GPC3: variants seen among roughly 807,000 people sequenced by gnomAD.
GPC3 encodes the protein glypican 3.
In GPC3, 3 loss-of-function variants were observed where a neutral mutation model predicts 34.4. That is an observed-to-expected ratio of 0.09 (90% CI 0.04 to 0.23). The LOEUF (loss-of-function observed/expected upper bound fraction) is 0.23, where lower values mean the gene tolerates loss of function less well. Ranked by LOEUF, GPC3 falls within the 10% of genes least tolerant of loss-of-function variation. The probability of loss-of-function intolerance (pLI) is 1.00; values close to 1 mark genes in which losing one functional copy is unlikely to be tolerated. For missense variants in GPC3, 351 were observed against 445.6 expected (o/e 0.79, Z 1.91); for synonymous variants, 177 against 174.0 (o/e 1.02, Z -0.13).
chrX:133,942,719 T>C (rs954765370), intron 2 of GPC3, among the ~76,000 whole-genome samples: 2 of 111,655 alleles, frequency 1.8e-5, no homozygotes, highest in African/African-American at 3.2e-5. Flanking sequence ...CAAAAACTTG[T>C]TTTAAAAAAA....
intron 2 of GPC3, among the ~76,000 whole-genome samples, chrX:133,899,747 TTG>T (rs1319604820): frequency 1.8e-5 from 2 of 111,473 alleles, no homozygotes; most frequent in African/African-American, 6.5e-5. Flanking sequence ...CTCTAGGTGG[TTG>T]TAAGTGATTT....
chrX:133,906,006 C>G lies in GPC3; in HGVS notation c.337+47044G>C, dbSNP rs974828930. Among the ~76,000 whole-genome samples, 4 of 111,604 alleles carry G rather than the reference C, an allele frequency of 3.6e-5. No homozygotes were observed. In the Admixed American group the frequency reaches 3.8e-4, roughly 11 times the overall value. On this transcript the variant is annotated intron_variant, in intron 2 of 7. Transcript: ENST00000370818. ...AAGCAGAACTGCAACTCACAAAGAC[C>G]AGGGACATGCAACGTGAACATGTAT...
At chrX:133,819,114 G>C (rs1174648575) in intron 2 of GPC3, among the ~76,000 whole-genome samples, 1 of 101,594 alleles carries the variant, frequency 9.8e-6, no homozygotes, top group Admixed American at 1.1e-4. Context: ...TTTAGCATTA[G>C]GTATATATCC....
intron 2 of GPC3, among the ~76,000 whole-genome samples, chrX:133,895,771 C>T (rs755086679): frequency 2.7e-5 from 3 of 110,967 alleles, no homozygotes; most frequent in African/African-American, 9.9e-5. Context: ...ACACACACAT[C>T]TCAAAAGCAT....
At chrX:133,669,074 C>T (rs2070800232) in intron 5 of GPC3, among the ~76,000 whole-genome samples, 1 of 111,443 alleles carries the variant, frequency 9.0e-6, no homozygotes, top group African/African-American at 3.3e-5. Flanking sequence ...GGTTTCTTCT[C>T]TTACACAGAG....
intron 2 of GPC3, among the ~76,000 whole-genome samples, chrX:133,884,099 T>C (rs894359441): frequency 3.6e-5 from 4 of 111,593 alleles, no homozygotes; most frequent in Admixed American, 1.9e-4. Flanking sequence ...CCAGAGCTCA[T>C]TGAGATCCCA....
intron 3 of GPC3, among the ~76,000 whole-genome samples, chrX:133,721,675 G>T (rs1231049050): frequency 9.0e-6 from 1 of 111,098 alleles, no homozygotes; most frequent in Non-Finnish European, 1.9e-5. Flanking sequence ...CCTAAGAAAA[G>T]AAAACTACAG....
At chrX:133,839,597 C>T (rs1270606157) in intron 2 of GPC3, among the ~76,000 whole-genome samples, 1 of 110,796 alleles carries the variant, frequency 9.0e-6, no homozygotes, top group East Asian at 2.8e-4. Flanking sequence ...GGTATTGGTC[C>T]TTTGTTCTCC....
At chrX:133,806,806 G>T (rs112979564) in intron 2 of GPC3, among the ~76,000 whole-genome samples, 7 of 108,947 alleles carry the variant, frequency 6.4e-5, no homozygotes, top group Non-Finnish European at 1.3e-4. Context: ...CCACCACCAC[G>T]CCCGGCTAAT....
At chrX:133,624,596 C>T (rs2070276524) in intron 6 of GPC3, among the ~76,000 whole-genome samples, 1 of 111,392 alleles carries the variant, frequency 9.0e-6, no homozygotes, top group Admixed American at 9.5e-5. Flanking sequence ...TACACCCTCC[C>T]AAGACTAAAC....
At chrX:133,676,434 T>A (rs755131841) in intron 5 of GPC3, among the ~76,000 whole-genome samples, 1 of 112,400 alleles carries the variant, frequency 8.9e-6, no homozygotes, top group South Asian at 3.7e-4. Flanking sequence ...AGGACAGCTC[T>A]GCACTCGACA....
intron 5 of GPC3, among the ~76,000 whole-genome samples, chrX:133,672,360 C>T (rs915456710): frequency 3.6e-5 from 4 of 112,005 alleles, no homozygotes; most frequent in South Asian, 3.8e-4. Flanking sequence ...CTAAACATGG[C>T]GGTCAGGACA....
chrX:133,709,778 C>T (rs1400751748), intron 3 of GPC3, among the ~76,000 whole-genome samples: 1 of 112,163 alleles, frequency 8.9e-6, no homozygotes, highest in Non-Finnish European at 1.9e-5. Context: ...TTTGGCTAAG[C>T]AAACCATTCT....
rs149612704 is a variant in GPC3, at chrX:133,799,594, C to T, written c.338-45418G>A. 1.9e-3 allele frequency among the ~76,000 whole-genome samples: 207 copies of T among 111,430 alleles called. 2 individuals carry two copies. The South Asian group carries it at 0.019, about 10-fold the overall frequency. On this transcript the variant is annotated intron_variant, in intron 2 of 7. Transcript: ENST00000370818. Reference sequence around the variant, plus strand: ...ATAGCTTTTGTACGTGCTGTTTATTCTCTGTGCCTGAAATTCCCTTTTTTG... The same window carrying T: ...ATAGCTTTTGTACGTGCTGTTTATTTTCTGTGCCTGAAATTCCCTTTTTTG...
intron 3 of GPC3, among the ~76,000 whole-genome samples, chrX:133,726,923 C>A (rs1029854247): frequency 1.8e-5 from 2 of 111,576 alleles, no homozygotes; most frequent in African/African-American, 6.5e-5. Context: ...CTTGTATTTG[C>A]TCCTAGGTTA....
intron 7 of GPC3, among the ~76,000 whole-genome samples, chrX:133,536,560 A>AC (rs754806874): frequency 1.6e-4 from 17 of 109,481 alleles, no homozygotes; most frequent in Non-Finnish European, 2.9e-4. Context: ...AACAGGCTGC[A>AC]CCCCACTCCC....
chrX:133,949,771 T>C (rs2076384248), intron 2 of GPC3, among the ~76,000 whole-genome samples: 1 of 111,994 alleles, frequency 8.9e-6, no homozygotes, highest in Non-Finnish European at 1.9e-5. Context: ...GGTAGTGAGA[T>C]GACGAAAAAT....
intron 3 of GPC3, among the ~76,000 whole-genome samples, chrX:133,714,020 A>T (rs968758604): frequency 8.9e-6 from 1 of 112,586 alleles, no homozygotes; most frequent in Non-Finnish European, 1.9e-5. Flanking sequence ...TGTAAGATAG[A>T]TTTTAACATA....
rs34232419 is a variant in GPC3, at chrX:133,970,532, GAAA to G, written c.175+14740_175+14742del. On this transcript the variant is annotated intron_variant, in intron 1 of 7. Coordinates refer to ENST00000370818, the MANE Select transcript of GPC3 (RefSeq NM_004484.4). The stretch of plus-strand genomic sequence containing the variant: ...TTAAGGGAGTTTGGATAACCAGTTA[GAAA>G]AAAAAAAAAATAGGAAGAAGAACCT... Among the ~76,000 whole-genome samples, 47 of 102,983 alleles carry G rather than the reference GAAA, an allele frequency of 4.6e-4. No individual in the cohort carries two copies. The East Asian group carries it at 5.9e-3, about 13-fold the overall frequency. 89.4% of individuals were successfully genotyped at this position (102,983 alleles called of 115,157 possible). A position where few individuals can be genotyped will look rare whatever the true frequency, so the allele number is the denominator to read the frequency against.
Sources: allele counts gnomAD v4.1 joint callset (sites outside exome capture counted in the v4.1 genomes callset), GRCh38; gene constraint gnomAD v4.1.1; transcripts MANE v1.5; gene names NCBI Gene and HGNC (gene_info 2026-07-23, HGNC 2026-07-21).